TRHDE: variants seen among roughly 807,000 people sequenced by gnomAD.
TRHDE encodes the protein thyrotropin-releasing hormone-degrading ectoenzyme.
TRHDE carries 72 observed loss-of-function variants against 125.7 expected under a neutral mutation model. The observed-to-expected ratio is 0.57, with a 90% confidence interval of 0.47 to 0.70. TRHDE has a LOEUF of 0.70. Ranked by LOEUF, TRHDE falls within the 30% of genes least tolerant of loss-of-function variation. The pLI, the probability that TRHDE is intolerant of heterozygous loss-of-function variation, is 0.00. For missense variants in TRHDE, 1,110 were observed against 1,327.1 expected (o/e 0.84, Z 2.54); for synonymous variants, 509 against 509.1 (o/e 1.00, Z 0.00).
chr12:72,103,705 G>A (rs544900850), intron 1 of TRHDE, among the ~76,000 whole-genome samples: 27 of 152,132 alleles, frequency 1.8e-4, no homozygotes, highest in Non-Finnish European at 1.3e-4. Flanking sequence ...TTGGGTTGCC[G>A]TGAAAGCAGA....
intron 12 of TRHDE, among the ~76,000 whole-genome samples, chr12:72,610,455 T>C (rs1484455278): frequency 6.6e-6 from 1 of 152,188 alleles, no homozygotes; most frequent in Non-Finnish European, 1.5e-5. Context: ...GAGTTTGCTC[T>C]CCGTAGCAGC....
At chr12:72,182,161 C>T (rs1474672322) in intron 2 of TRHDE, among the ~76,000 whole-genome samples, 3 of 152,128 alleles carry the variant, frequency 2.0e-5, no homozygotes, top group African/African-American at 4.8e-5. Context: ...TGTGTCTACC[C>T]AACTTACCTT....
At chr12:72,399,481 T>C (rs1357195265) in intron 3 of TRHDE, among the ~76,000 whole-genome samples, 1 of 152,218 alleles carries the variant, frequency 6.6e-6, no homozygotes, top group Non-Finnish European at 1.5e-5. Context: ...CTTGTGCTGC[T>C]TGTAAACATA....
intron 2 of TRHDE, among the ~76,000 whole-genome samples, chr12:72,243,141 A>G (rs1387787032): frequency 1.3e-5 from 2 of 152,206 alleles, no homozygotes; most frequent in Non-Finnish European, 2.9e-5. Flanking sequence ...CATGAAAAGA[A>G]CCTGGTCTTT....
intron 6 of TRHDE, among the ~76,000 whole-genome samples, chr12:72,527,404 C>T (rs1313041919): frequency 2.0e-5 from 3 of 151,876 alleles, no homozygotes; most frequent in African/African-American, 4.8e-5. Context: ...ATAAAGAATT[C>T]GATTTAGGGC....
intron 3 of TRHDE, among the ~76,000 whole-genome samples, chr12:72,443,179 C>G (rs80265548): frequency 6.9e-6 from 1 of 145,332 alleles, no homozygotes; most frequent in Non-Finnish European, 1.5e-5. Context: ...ACACATACTT[C>G]GCTACTTCTT....
chr12:72,257,493 C>T (rs1299877247), intron 2 of TRHDE: 1 of 152,136 alleles, frequency 6.6e-6, no homozygotes, highest in African/African-American at 2.4e-5. Context: ...TTGACCGAAA[C>T]ATTTAGAATA....
intron 5 of TRHDE, among the ~76,000 whole-genome samples, chr12:72,489,179 G>GA (rs1877544876): frequency 7.2e-6 from 1 of 138,874 alleles, no homozygotes; most frequent in Non-Finnish European, 1.6e-5. Context: ...ATACAGAATG[G>GA]AAAAACCATA....
At chr12:72,087,817 A>G (rs1269094404) in intron 1 of TRHDE, among the ~76,000 whole-genome samples, 1 of 152,142 alleles carries the variant, frequency 6.6e-6, no homozygotes, top group Admixed American at 6.6e-5. Flanking sequence ...ATTTGATCTT[A>G]GAAACTATAC....
intron 2 of TRHDE, among the ~76,000 whole-genome samples, chr12:72,295,389 G>A (rs1880256592): frequency 6.6e-6 from 1 of 152,124 alleles, no homozygotes; most frequent in African/African-American, 2.4e-5. Context: ...GCCCACTGCT[G>A]CCGTCACTAT....
At chr12:72,467,131 G>C (rs1011658466) in intron 3 of TRHDE, among the ~76,000 whole-genome samples, 13 of 152,042 alleles carry the variant, frequency 8.6e-5, no homozygotes, top group African/African-American at 3.1e-4. Flanking sequence ...TGTGCACAAC[G>C]TGCAGGTTTG....
chr12:72,274,420 A>G (rs915634510), intron 1 of TRHDE: 1 of 152,188 alleles, frequency 6.6e-6, no homozygotes, highest in African/African-American at 2.4e-5. Flanking sequence ...GCTTTTCACC[A>G]CTTGTTTAGA....
chr12:72,612,734 T>C (rs1872679373), intron 12 of TRHDE, among the ~76,000 whole-genome samples: 1 of 152,214 alleles, frequency 6.6e-6, no homozygotes. Context: ...AGCTTGAAAT[T>C]ATTAAGTTGA....
chr12:72,551,257 C>G (rs762373154), intron 7 of TRHDE, among the ~76,000 whole-genome samples: 1 of 152,058 alleles, frequency 6.6e-6, no homozygotes, highest in Non-Finnish European at 1.5e-5. Context: ...CCAAAATTCT[C>G]TTTTGGTCTA....
chr12:72,546,377 A>G (rs1196531833), intron 7 of TRHDE, among the ~76,000 whole-genome samples: 1 of 151,666 alleles, frequency 6.6e-6, no homozygotes, highest in Non-Finnish European at 1.5e-5. Context: ...AGGCAGAAAT[A>G]GCCAAGCCTC....
chr12:72,626,939 A>G (rs905377192), intron 15 of TRHDE, among the ~76,000 whole-genome samples: 3 of 151,578 alleles, frequency 2.0e-5, no homozygotes, highest in African/African-American at 4.8e-5. Flanking sequence ...TTATACCACT[A>G]TTTTTCTTTT....
chr12:72,210,925 C>A (rs996768404), intron 2 of TRHDE, among the ~76,000 whole-genome samples: 2 of 152,036 alleles, frequency 1.3e-5, no homozygotes, highest in Non-Finnish European at 2.9e-5. Flanking sequence ...ATTCATAAGG[C>A]AAAAAATTTC....
intron 2 of TRHDE, among the ~76,000 whole-genome samples, chr12:72,128,906 A>T (rs1393803682): frequency 6.6e-6 from 1 of 152,162 alleles, no homozygotes; most frequent in African/African-American, 2.4e-5. Flanking sequence ...AATTTAATGT[A>T]CCCTATAAAC....
intron 2 of TRHDE, among the ~76,000 whole-genome samples, chr12:72,240,663 A>G (rs1387272971): frequency 1.3e-5 from 2 of 151,404 alleles, no homozygotes; most frequent in Admixed American, 6.6e-5. Flanking sequence ...TCCGCCTCCC[A>G]GGTTCACGCC....
Sources: allele counts gnomAD v4.1 joint callset (sites outside exome capture counted in the v4.1 genomes callset), GRCh38; gene constraint gnomAD v4.1.1; transcripts MANE v1.5; gene names NCBI Gene and HGNC (gene_info 2026-07-23, HGNC 2026-07-21).